PARD3: variants seen among roughly 807,000 people sequenced by gnomAD.
The protein encoded by PARD3 is par-3 family cell polarity regulator.
PARD3 carries 75 observed loss-of-function variants against 155.4 expected under a neutral mutation model. The observed-to-expected ratio is 0.48, with a 90% CI of 0.40 to 0.58. The LOEUF is 0.58. Ranked by LOEUF, PARD3 falls within the 20% of genes least tolerant of loss-of-function variation. The probability of loss-of-function intolerance (pLI) is 0.00; values close to 1 mark genes in which losing one functional copy is unlikely to be tolerated. For synonymous variants in PARD3, 576 were observed against 610.5 expected (o/e 0.94, Z 0.83); for missense variants, 1,642 against 1,721.7 (o/e 0.95, Z 0.82).
rs769383910 is a variant in PARD3 at position 34,372,464 on chromosome 10, C to T, written c.1707+34G>A. 8 of 1,543,990 alleles carry T rather than the reference C, an allele frequency of 5.2e-6. No individual in the cohort carries two copies. In the Admixed American group the frequency reaches 6.7e-5, roughly 13 times the overall value. On this transcript the variant is annotated intron_variant, in intron 12 of 24. Coordinates refer to ENST00000374788, the MANE Select transcript of PARD3 (RefSeq NM_001184785.2). ...AAGTTAGTTCCATGTATCTTTCCAA[C>T]ATCTCTGCATCCTTCAAAAGACAAA...
intron 22 of PARD3, among the ~76,000 whole-genome samples, chr10:34,247,954 T>C (rs1441569093): frequency 6.6e-6 from 1 of 152,220 alleles, no homozygotes; most frequent in Non-Finnish European, 1.5e-5. Context: ...TGCTTTGTAC[T>C]GATAAGTAAC....
chr10:34,348,344 G>A (rs1034872951), intron 14 of PARD3, among the ~76,000 whole-genome samples: 3 of 152,126 alleles, frequency 2.0e-5, no homozygotes, highest in South Asian at 2.1e-4. Context: ...GATTTCAACC[G>A]CTGGAGGAAA....
intron 20 of PARD3, among the ~76,000 whole-genome samples, chr10:34,302,659 G>A (rs1400833988): frequency 6.6e-6 from 1 of 152,146 alleles, no homozygotes; most frequent in African/African-American, 2.4e-5. Context: ...ACCTGTACAC[G>A]AGGTTGCAAG....
chr10:34,255,322 GT>G (rs1954601480), intron 22 of PARD3, among the ~76,000 whole-genome samples: 1 of 152,044 alleles, frequency 6.6e-6, no homozygotes, highest in South Asian at 2.1e-4. Flanking sequence ...TGCTCAACTG[GT>G]CCTCTACAAC....
intron 7 of PARD3, among the ~76,000 whole-genome samples, chr10:34,388,273 A>G (rs1842543459): frequency 6.6e-6 from 1 of 152,238 alleles, no homozygotes; most frequent in Non-Finnish European, 1.5e-5. Flanking sequence ...ATTTAAAAGG[A>G]AAGTGGTACA....
intron 2 of PARD3, among the ~76,000 whole-genome samples, chr10:34,666,816 T>TATACACAC (rs765552982): frequency 9.9e-4 from 88 of 88,796 alleles, no homozygotes; most frequent in African/African-American, 3.6e-3. Flanking sequence ...TATATATATA[T>TATACACAC]ACACACACAC....
chr10:34,600,589 G>A (rs952609036), intron 2 of PARD3, among the ~76,000 whole-genome samples: 1 of 152,018 alleles, frequency 6.6e-6, no homozygotes, highest in Non-Finnish European at 1.5e-5. Flanking sequence ...GGAGGTAAGG[G>A]GACTGACTGA....
chr10:34,352,673 G>A (rs1838246946), intron 14 of PARD3, among the ~76,000 whole-genome samples: 1 of 152,246 alleles, frequency 6.6e-6, no homozygotes, highest in Admixed American at 6.5e-5. Context: ...CTGGAGTGCA[G>A]TGGCGTGATC....
At chr10:34,488,047 G>T (rs1036067355) in intron 3 of PARD3, among the ~76,000 whole-genome samples, 1 of 151,998 alleles carries the variant, frequency 6.6e-6, no homozygotes. Context: ...ATATAAAAGC[G>T]TAATCTTTTT....
chr10:34,655,726 A>T (rs2093149193), intron 2 of PARD3, among the ~76,000 whole-genome samples: 1 of 152,156 alleles, frequency 6.6e-6, no homozygotes, highest in African/African-American at 2.4e-5. Flanking sequence ...TTTAACCAAG[A>T]GCCTGGAGGA....
chr10:34,452,362 T>C (rs149211291), intron 4 of PARD3, among the ~76,000 whole-genome samples: 1 of 152,284 alleles, frequency 6.6e-6, no homozygotes, highest in Non-Finnish European at 1.5e-5. Flanking sequence ...ATAGAACTAA[T>C]AACAGAATTA....
chr10:34,210,659 G>A (rs1259612488), intron 22 of PARD3, among the ~76,000 whole-genome samples: 2 of 152,128 alleles, frequency 1.3e-5, no homozygotes, highest in Non-Finnish European at 2.9e-5. Flanking sequence ...TTCAACAAGA[G>A]TGACTCTAAC....
intron 1 of PARD3, among the ~76,000 whole-genome samples, chr10:34,757,573 C>T (rs1388816511): frequency 6.6e-6 from 1 of 151,834 alleles, no homozygotes; most frequent in Non-Finnish European, 1.5e-5. Flanking sequence ...TAGCCAGGCA[C>T]GGTGGCTCAC....
chr10:34,388,909 T>C (rs1344805710), intron 7 of PARD3, among the ~76,000 whole-genome samples: 1 of 151,758 alleles, frequency 6.6e-6, no homozygotes, highest in Non-Finnish European at 1.5e-5. Flanking sequence ...GAGAAAAGAG[T>C]TGGGCATTTA....
At position 34,430,202 on chromosome 10, in the gene PARD3, A is replaced by G. The variant is rs148090669; in HGVS notation, c.714+20115T>C. 6.3e-3 allele frequency among the ~76,000 whole-genome samples: 958 copies of G among 152,354 alleles called. 9 individuals are homozygous for G. The highest frequency in any genetic ancestry group is 0.022 in the African/African-American group (911 of 41,572). On this transcript the variant is annotated intron_variant, in intron 5 of 24. Transcript: ENST00000374788. ...ATATGGTATTTTTTCTTTTGTTATC[A>G]AAGGATTTTAACCATATGTATGACT...
At chr10:34,808,159 C>CA (rs1843636740) in intron 1 of PARD3, among the ~76,000 whole-genome samples, 1 of 147,590 alleles carries the variant, frequency 6.8e-6, no homozygotes, top group Admixed American at 6.8e-5. Flanking sequence ...ACAAAAACTA[C>CA]AAAAATTAGC....
intron 2 of PARD3, among the ~76,000 whole-genome samples, chr10:34,560,453 T>C (rs765699958): frequency 1.3e-5 from 2 of 151,068 alleles, no homozygotes; most frequent in Non-Finnish European, 2.9e-5. Context: ...TGTGAAGGAC[T>C]TGATGAAAAG....
chr10:34,303,612 T>C (rs1289684579), intron 20 of PARD3, among the ~76,000 whole-genome samples: 2 of 150,696 alleles, frequency 1.3e-5, no homozygotes, highest in Non-Finnish European at 2.9e-5. Flanking sequence ...GAGCAGGAAT[T>C]CGATAAGATG....
At chr10:34,209,544 T>C (rs529281380) in intron 22 of PARD3, among the ~76,000 whole-genome samples, 1 of 152,314 alleles carries the variant, frequency 6.6e-6, no homozygotes, top group South Asian at 2.1e-4. Context: ...TTAACACCTT[T>C]TATAAATGGA....
Sources: gnomAD v4.1 joint callset for allele counts (sites outside exome capture counted in the v4.1 genomes callset) on GRCh38, gnomAD v4.1.1 for gene constraint, MANE v1.5 for transcripts, NCBI Gene and HGNC (gene_info 2026-07-23, HGNC 2026-07-21) for gene names.